Variants in PGAP1 observed in about 807,000 individuals in gnomAD.
PGAP1 encodes post-GPI attachment to proteins inositol deacylase 1.
Under a neutral mutation model 127.0 loss-of-function variants are expected in PGAP1, and 76 were observed. That is an observed-to-expected ratio of 0.60 (90% confidence interval 0.50 to 0.72). The LOEUF (loss-of-function observed/expected upper bound fraction) is 0.72, where lower values mean the gene tolerates loss of function less well. Ranked by LOEUF, PGAP1 falls within the 30% of genes least tolerant of loss-of-function variation. PGAP1 has a pLI of 0.00. For synonymous variants in PGAP1, 362 were observed against 366.5 expected (o/e 0.99, Z 0.14); for missense variants, 982 against 1,071.3 (o/e 0.92, Z 1.16).
chr2:196,895,070 T>A (rs1007182877), intron 7 of PGAP1, among the ~76,000 whole-genome samples: 2 of 152,186 alleles, frequency 1.3e-5, no homozygotes, highest in African/African-American at 2.4e-5. Flanking sequence ...GTTTTTATTT[T>A]CTACTATTTA....
Position 196,838,371 on chromosome 2 carries a change from T to G in PGAP1, c.*2863A>C, listed in dbSNP as rs1267196338. ...GCAGTGCTGTTTAACCAGCCAATAA[T>G]ATAGATTGTGGGCATGATGAAAACT... is the stretch of plus-strand genomic sequence containing the variant. On this transcript the variant is annotated 3_prime_UTR_variant, in exon 27 of 27. Coordinates refer to ENST00000354764, the MANE Select transcript of PGAP1 (RefSeq NM_024989.4). 6.6e-6 allele frequency: 1 copy of G among 152,204 alleles called. No homozygotes were observed. The highest frequency in any genetic ancestry group is 1.5e-5 in the Non-Finnish European group (1 of 68,024). The allele number at this position is 152,204 out of a possible 1,614,324, so 9.4% of individuals were successfully genotyped here.
chr2:196,867,296 T>C (rs1701273883), intron 19 of PGAP1, among the ~76,000 whole-genome samples: 2 of 152,002 alleles, frequency 1.3e-5, no homozygotes, highest in Admixed American at 1.3e-4. Context: ...TATGCAGCCA[T>C]AAAAAAGGAT....
chr2:196,854,652 T>A (rs1175063021), intron 20 of PGAP1, among the ~76,000 whole-genome samples: 1 of 152,248 alleles, frequency 6.6e-6, no homozygotes, highest in Non-Finnish European at 1.5e-5. Flanking sequence ...TTTCATCAGA[T>A]TTTAACCATG....
intron 14 of PGAP1, 127 bp from the exon 15 acceptor site, chr2:196,873,885 T>C (rs908838201): frequency 8.4e-5 from 52 of 621,848 alleles, no homozygotes; most frequent in South Asian, 6.5e-4. Context: ...CACTTCTGTA[T>C]GGAGTTAACT....
chr2:196,844,460 A>T, intron 24 of PGAP1, 64 bp downstream of exon 24: 8 of 1,166,934 alleles, frequency 6.9e-6, no homozygotes, highest in South Asian at 1.5e-5. Context: ...AAAAAAAAAA[A>T]CTCTTATATT....
chr2:196,892,317 GA>G (rs113817459), intron 9 of PGAP1, 28 bp downstream of exon 9: 100 of 1,183,206 alleles, frequency 8.5e-5, no homozygotes, highest in African/African-American at 7.1e-4. Flanking sequence ...GAAAAAACAT[GA>G]AAAAAAATCC....
chr2:196,850,470 A>C (rs1700684967), intron 20 of PGAP1, among the ~76,000 whole-genome samples: 1 of 152,356 alleles, frequency 6.6e-6, no homozygotes, highest in Middle Eastern at 3.4e-3. Context: ...TTCAAGTGCC[A>C]GGGTATAAAA....
At position 196,926,586 on chromosome 2, in the gene PGAP1, G is replaced by A. The variant is rs375123215; in HGVS notation, c.31C>T (p.Leu11=). 2.2e-5 allele frequency: 35 copies of A among 1,614,112 alleles called. No individual in the cohort carries two copies. The highest frequency in any genetic ancestry group is 6.7e-5 in the East Asian group (3 of 44,898). The change falls in exon 1 of 27, where the codon CTG becomes TTG. Residue 11 remains leucine (L), a synonymous_variant. Transcript: ENST00000354764. The part of the protein sequence containing the change: MFLHSVNLWN[L]AFYVFMVFLA... Reference sequence around the variant, plus strand: ...AAGACCATGAAGACATAAAACGCCAGGTTCCAGAGATTAACTGAGTGAAGA... The same window carrying A: ...AAGACCATGAAGACATAAAACGCCAAGTTCCAGAGATTAACTGAGTGAAGA...
Position 196,838,425 on chromosome 2 carries a change from T to C in PGAP1, c.*2809A>G, listed in dbSNP as rs1248351030. 1 of 152,238 alleles carries C rather than the reference T, an allele frequency of 6.6e-6. No homozygotes were observed. The highest frequency in any genetic ancestry group is 1.5e-5 in the Non-Finnish European group (1 of 68,042). The allele number at this position is 152,238 out of a possible 1,614,324, so 9.4% of individuals were successfully genotyped here. On this transcript the variant is annotated 3_prime_UTR_variant, in exon 27 of 27. Coordinates refer to ENST00000354764, the MANE Select transcript of PGAP1 (RefSeq NM_024989.4). Reference sequence around the variant, plus strand: ...TAATTTAAAGGCAAAGAACTTTCCTTTTCTCAAGTGACAGAAACGTCCATT... The same window carrying C: ...TAATTTAAAGGCAAAGAACTTTCCTCTTCTCAAGTGACAGAAACGTCCATT...
Position 196,864,974 on chromosome 2 carries a change from G to A in PGAP1, c.1861+13C>T. ...CATAACAAAAGTAACTTAAAAATTAGAAGCATTCTTACCTGTTGAGAAAAG... is the reference window on the plus strand; with the variant it reads ...CATAACAAAAGTAACTTAAAAATTAAAAGCATTCTTACCTGTTGAGAAAAG... On this transcript the variant is annotated intron_variant, in intron 20 of 26. Transcript: ENST00000354764. The A allele has an allele frequency of 7.0e-7, 1 of 1,423,516 alleles. No individual in the cohort carries two copies. Among genetic ancestry groups the A allele is most frequent in the Non-Finnish European group, 9.4e-7 (1 of 1,058,708 alleles). 88.2% of individuals were successfully genotyped at this position (1,423,516 alleles called of 1,614,324 possible). A position where few individuals can be genotyped will look rare whatever the true frequency, so the allele number is the denominator to read the frequency against.
At chr2:196,894,961 T>C (rs536928985) in intron 7 of PGAP1, among the ~76,000 whole-genome samples, 4 of 152,308 alleles carry the variant, frequency 2.6e-5, no homozygotes, top group Middle Eastern at 3.4e-3. Context: ...TCACCATGCT[T>C]AGGACTAATT....
chr2:196,864,913 C>A, intron 20 of PGAP1, 74 bp downstream of exon 20: 1 of 710,108 alleles, frequency 1.4e-6, no homozygotes, highest in African/African-American at 1.9e-5. Context: ...TATATAAACA[C>A]ATATGTGGAA....
rs781161237 is a variant in PGAP1, at chr2:196,841,194, T to C, written c.*40A>G. On this transcript the variant is annotated 3_prime_UTR_variant, in exon 27 of 27. Transcript: ENST00000354764. ...GTGTGTTCCCTCTTATCACTGGCCCTAAACACATAAATTATCTTCATCATT... is the reference window on the plus strand; with the variant it reads ...GTGTGTTCCCTCTTATCACTGGCCCCAAACACATAAATTATCTTCATCATT... 1 of 1,592,588 alleles carries C rather than the reference T, an allele frequency of 6.3e-7. No individual in the cohort carries two copies. Among genetic ancestry groups the C allele is most frequent in the Non-Finnish European group, 8.6e-7 (1 of 1,168,486 alleles).
At position 196,839,590 on chromosome 2, in the gene PGAP1, G is replaced by T. The variant is rs1700348492; in HGVS notation, c.*1644C>A. On this transcript the variant is annotated 3_prime_UTR_variant, in exon 27 of 27. Coordinates refer to ENST00000354764, the MANE Select transcript of PGAP1 (RefSeq NM_024989.4). Reference sequence around the variant, plus strand: ...ATGAATACTGAAAAACATGCTCAAAGCTAGAAAAGACAACAATGGGATCAA... The same window carrying T: ...ATGAATACTGAAAAACATGCTCAAATCTAGAAAAGACAACAATGGGATCAA... 6.6e-6 allele frequency: 1 copy of T among 152,138 alleles called. No homozygotes were observed. The highest frequency in any genetic ancestry group is 2.4e-5 in the African/African-American group (1 of 41,430). The allele number at this position is 152,138 out of a possible 1,614,324, so 9.4% of individuals were successfully genotyped here. A position where few individuals can be genotyped will look rare whatever the true frequency, so the allele number is the denominator to read the frequency against.
rs772205051 is a variant in PGAP1 at position 196,854,658 on chromosome 2, C to T, written c.1862-6621G>A. Among the ~76,000 whole-genome samples, 122 of 152,326 alleles carry T rather than the reference C, an allele frequency of 8.0e-4. 1 individual carries two copies. Among genetic ancestry groups the T allele is most frequent in the Non-Finnish European group, 1.4e-3 (95 of 68,016 alleles). Reference sequence around the variant, plus strand: ...CTTTGGGGCTTTCATCAGATTTTAACCATGACTATGATAAGTTTCTGTCAT... The same window carrying T: ...CTTTGGGGCTTTCATCAGATTTTAATCATGACTATGATAAGTTTCTGTCAT... On this transcript the variant is annotated intron_variant, in intron 20 of 26. Coordinates refer to ENST00000354764, the MANE Select transcript of PGAP1 (RefSeq NM_024989.4).
intron 5 of PGAP1, among the ~76,000 whole-genome samples, chr2:196,899,381 A>T (rs1349460400): frequency 6.6e-6 from 1 of 152,222 alleles, no homozygotes; most frequent in African/African-American, 2.4e-5. Flanking sequence ...CTGAAGTGGG[A>T]GGAATCTACA....
chr2:196,920,404 CA>C (rs966921458), intron 1 of PGAP1, among the ~76,000 whole-genome samples: 4 of 151,972 alleles, frequency 2.6e-5, no homozygotes, highest in African/African-American at 9.7e-5. Flanking sequence ...AACTTCTAAC[CA>C]ATACAAATTA....
In PGAP1 at chr2:196,838,571, C is replaced by T. The variant is rs1363550308; in HGVS notation, c.*2663G>A. 6.6e-6 allele frequency: 1 copy of T among 152,138 alleles called. No homozygotes were observed. The highest frequency in any genetic ancestry group is 1.5e-5 in the Non-Finnish European group (1 of 68,036). 9.4% of individuals were successfully genotyped at this position (152,138 alleles called of 1,614,324 possible). On this transcript the variant is annotated 3_prime_UTR_variant, in exon 27 of 27. Coordinates refer to ENST00000354764, the MANE Select transcript of PGAP1 (RefSeq NM_024989.4). ...GTATACATATGTGTCTGTATATATACACATATAATGGCTAAAGACCCAACC... is the reference window on the plus strand; with the variant it reads ...GTATACATATGTGTCTGTATATATATACATATAATGGCTAAAGACCCAACC...
chr2:196,864,990 T>C lies in PGAP1; in HGVS notation c.1858A>G (p.Thr620Ala). 6.6e-7 allele frequency: 1 copy of C among 1,516,270 alleles called. No homozygotes were observed. The highest frequency in any genetic ancestry group is 8.8e-7 in the Non-Finnish European group (1 of 1,130,576). The allele number at this position is 1,516,270 out of a possible 1,614,324, so 93.9% of individuals were successfully genotyped here. The change falls in exon 20 of 27, where the codon ACA becomes GCA. Residue 620 changes from threonine to alanine, a missense_variant. Coordinates refer to ENST00000354764, the MANE Select transcript of PGAP1 (RefSeq NM_024989.4). Reference protein sequence around the residue: ...YRGQLYSLFSTGCCLEYATML... With the variant: ...YRGQLYSLFSAGCCLEYATML... ...TAAAAATTAGAAGCATTCTTACCTG[T>C]TGAGAAAAGAGAATATAACTGTCCT...
Sources: allele counts gnomAD v4.1 joint callset (sites outside exome capture counted in the v4.1 genomes callset), GRCh38; gene constraint gnomAD v4.1.1; transcripts MANE v1.5; gene names NCBI Gene and HGNC (gene_info 2026-07-23, HGNC 2026-07-21).